PPFIA1: variants seen among roughly 807,000 people sequenced by gnomAD.
The protein encoded by PPFIA1 is PPFI scaffold protein A1.
A neutral mutation model predicts 149.9 loss-of-function variants in PPFIA1; 25 were observed. The observed-to-expected ratio is 0.17, with a 90% CI of 0.12 to 0.23. The LOEUF (loss-of-function observed/expected upper bound fraction) is 0.23. Among genes scored for constraint, PPFIA1 ranks in the 10% least tolerant of loss-of-function variants. The pLI is 1.00. For synonymous variants in PPFIA1, 549 were observed against 552.8 expected (o/e 0.99, Z 0.10); for missense variants, 1,362 against 1,506.5 (o/e 0.90, Z 1.59).
intron 2 of PPFIA1, among the ~76,000 whole-genome samples, chr11:70,307,686 C>T (rs925505660): frequency 6.6e-5 from 10 of 152,136 alleles, no homozygotes; most frequent in Non-Finnish European, 1.5e-4. Flanking sequence ...TTTGGGAAGC[C>T]ATGGCAGGAG....
chr11:70,299,721 TC>T (rs545983847), intron 2 of PPFIA1, among the ~76,000 whole-genome samples: 34 of 151,886 alleles, frequency 2.2e-4, no homozygotes, highest in African/African-American at 8.2e-4. Context: ...GCCCCTCTGC[TC>T]CCCTGCTGCC....
chr11:70,326,785 A>C lies in PPFIA1; in HGVS notation c.897A>C (p.Glu299Asp). 1.9e-6 allele frequency: 3 copies of C among 1,614,156 alleles called. No individual in the cohort carries two copies. The highest frequency in any genetic ancestry group is 2.5e-6 in the Non-Finnish European group (3 of 1,180,000). The change falls in exon 7 of 28, where the codon GAA (glutamate) becomes GAC (aspartate). Residue 299 changes from glutamate to aspartate, a missense_variant. Glu to Asp is a conservative substitution (Grantham distance 45). Coordinates refer to ENST00000253925, the MANE Select transcript of PPFIA1 (RefSeq NM_003626.5). ...TARKDLIKSE[E>D]MNTKLQRDVR... ...GAAAAGATCTCATCAAATCTGAAGA[A>C]ATGAACACAAAATTGCAACGAGATG...
chr11:70,325,260 C>T, intron 4 of PPFIA1: 1 of 432,932 alleles, frequency 2.3e-6, no homozygotes, highest in Non-Finnish European at 3.9e-6. Flanking sequence ...TGGGCAAAAC[C>T]TGCAATTACT....
At chr11:70,363,771 C>G (rs112988183) in intron 21 of PPFIA1, among the ~76,000 whole-genome samples, 3,257 of 152,282 alleles carry the variant, frequency 0.021, 117 homozygotes, top group African/African-American at 0.073. Context: ...GCCTCAGAGT[C>G]CCTGAGTGCT....
rs2050020657 is a variant in PPFIA1 at position 70,270,788 on chromosome 11, G to T, written c.-127G>T. ...GACTGGGGCGGCGGGCCCCGGGGCC[G>T]CGGCGTGGGGCGGGCAGGCGGACGC... On this transcript the variant is annotated 5_prime_UTR_variant, in exon 1 of 28. Coordinates refer to ENST00000253925, the MANE Select transcript of PPFIA1 (RefSeq NM_003626.5). The T allele has an allele frequency of 6.7e-6, 1 of 149,936 alleles. No homozygotes were observed. The highest frequency in any genetic ancestry group is 1.5e-5 in the Non-Finnish European group (1 of 67,220). 9.3% of individuals were successfully genotyped at this position (149,936 alleles called of 1,614,324 possible).
intron 21 of PPFIA1, among the ~76,000 whole-genome samples, chr11:70,363,864 T>A (rs1446798272): frequency 6.6e-6 from 1 of 151,960 alleles, no homozygotes; most frequent in East Asian, 1.9e-4. Flanking sequence ...ATACTTGTTA[T>A]CCCACCGTCA....
At position 70,330,954 on chromosome 11, in the gene PPFIA1, C is replaced by T. The variant is rs543377877; in HGVS notation, c.1077+635C>T. ...CCCGTCTCTAAAATAAAAAATGCGG[C>T]CAGGCGCGGTGGCTCACACCTGTAA... is the stretch of plus-strand genomic sequence containing the variant. On this transcript the variant is annotated intron_variant, in intron 8 of 27. Transcript: ENST00000253925. Among the ~76,000 whole-genome samples the T allele has an allele frequency of 4.0e-5, 6 of 151,654 alleles. No individual in the cohort carries two copies. In the East Asian group the frequency reaches 9.8e-4, roughly 25 times the overall value.
At chr11:70,304,249 G>A (rs1016739379) in intron 2 of PPFIA1, among the ~76,000 whole-genome samples, 2 of 152,094 alleles carry the variant, frequency 1.3e-5, no homozygotes, top group African/African-American at 4.8e-5. Context: ...CCCTCAGAGG[G>A]CATGGAAGCT....
At position 70,326,630 on chromosome 11, in the gene PPFIA1, G is replaced by C; in HGVS notation, c.742G>C (p.Asp248His). Residue 248 changes from aspartate (D) to histidine (H), a missense_variant, in exon 7 of 28, where the codon GAC (aspartate) becomes CAC (histidine). Around this residue, in one of 7 missense-constraint regions of PPFIA1, gnomAD observed 733 missense variants for 744.1 expected, o/e 0.99. Transcript: ENST00000253925. ...TGATGGTTCTTTAAGCCACGAGGAA[G>C]ACCTTGCTAAAGTAATTGAGCTCCA... ...SSDGSLSHEE[D>H]LAKVIELQEI... The C allele has an allele frequency of 6.2e-7, 1 of 1,614,080 alleles. No homozygotes were observed. The highest frequency in any genetic ancestry group is 8.5e-7 in the Non-Finnish European group (1 of 1,180,028).
At chr11:70,335,838 A>C in intron 11 of PPFIA1, 144 bp downstream of exon 11, 1 of 908,242 alleles carries the variant, frequency 1.1e-6, no homozygotes, top group Non-Finnish European at 1.7e-6. Flanking sequence ...AAAGGTATGC[A>C]CAGTTATCCA....
intron 2 of PPFIA1, among the ~76,000 whole-genome samples, chr11:70,302,701 T>C (rs554224416): frequency 5.1e-4 from 77 of 152,224 alleles, no homozygotes; most frequent in Admixed American, 8.5e-4. Context: ...GAGTGTTGTG[T>C]TTTCTTGACT....
chr11:70,320,189 C>T (rs1039150720), intron 2 of PPFIA1: 3 of 152,272 alleles, frequency 2.0e-5, no homozygotes, highest in East Asian at 1.9e-4. Flanking sequence ...CCAAACACAA[C>T]AGTGAAAAGG....
chr11:70,351,702 T>A (rs1400845016), intron 16 of PPFIA1, among the ~76,000 whole-genome samples: 2 of 152,118 alleles, frequency 1.3e-5, no homozygotes, highest in South Asian at 2.1e-4. Context: ...CCCTGTGAGG[T>A]TACTGTTGTT....
At chr11:70,288,419 CCTT>C (rs1012336594) in intron 2 of PPFIA1, among the ~76,000 whole-genome samples, 1 of 152,114 alleles carries the variant, frequency 6.6e-6, no homozygotes, top group African/African-American at 2.4e-5. Context: ...CCAGAGCTCT[CCTT>C]CTTGGTGATA....
chr11:70,336,739 A>G (rs2055003154), intron 11 of PPFIA1, among the ~76,000 whole-genome samples: 1 of 152,178 alleles, frequency 6.6e-6, no homozygotes, highest in Non-Finnish European at 1.5e-5. Context: ...GTGTCGGAGA[A>G]GCTCTAATGG....
At chr11:70,300,057 C>T (rs2052373855) in intron 2 of PPFIA1, among the ~76,000 whole-genome samples, 1 of 136,858 alleles carries the variant, frequency 7.3e-6, no homozygotes, top group Non-Finnish European at 1.6e-5. Context: ...GCCCCTTCCA[C>T]CCGCCCCACA....
chr11:70,334,760 C>T (rs1257449588), intron 10 of PPFIA1: 2 of 152,228 alleles, frequency 1.3e-5, no homozygotes, highest in African/African-American at 2.4e-5. Flanking sequence ...ATGGCTGTCT[C>T]CTCCTGCCTG....
intron 2 of PPFIA1, among the ~76,000 whole-genome samples, chr11:70,292,237 G>T (rs1016276291): frequency 6.6e-6 from 1 of 152,210 alleles, no homozygotes; most frequent in Admixed American, 6.5e-5. Context: ...CCCTGCCTAG[G>T]CCTCCCAAAG....
At chr11:70,380,862 C>G (rs1170667215) in intron 26 of PPFIA1, among the ~76,000 whole-genome samples, 1 of 151,946 alleles carries the variant, frequency 6.6e-6, no homozygotes. Context: ...GAGACAGGGT[C>G]TCACTCTGTT....
Sources: gnomAD v4.1 joint callset for allele counts (sites outside exome capture counted in the v4.1 genomes callset) on GRCh38, gnomAD v4.1.1 for gene constraint, gnomAD v4.1.1 regional missense constraint, MANE v1.5 for transcripts, NCBI Gene and HGNC (gene_info 2026-07-23, HGNC 2026-07-21) for gene names.